The following ITGA4 variants were observed in gnomAD, a reference collection of about 807,000 sequenced individuals.
ITGA4 encodes the protein integrin alpha-4.
A neutral mutation model predicts 133.6 loss-of-function variants in ITGA4; 63 were observed. That is an observed-to-expected ratio of 0.47 (90% CI 0.38 to 0.58). ITGA4 has a LOEUF of 0.58. Among genes scored for constraint, ITGA4 ranks in the 20% least tolerant of loss-of-function variants. ITGA4 has a pLI of 0.00. For missense variants in ITGA4, 1,076 were observed against 1,252.7 expected (o/e 0.86, Z 2.13); for synonymous variants, 483 against 438.0 (o/e 1.10, Z -1.28).
chr2:181,458,349 C>T lies in ITGA4; in HGVS notation c.319+32C>T, dbSNP rs768689239. 5.2e-5 allele frequency: 83 copies of T among 1,600,010 alleles called. No homozygotes were observed. The Middle Eastern group carries it at 6.6e-4, about 13-fold the overall frequency. ...TGGGTATGGGACCAGGAGTTAGTGACCTCCCGACCCCCCATGTGGACCCCA... is the reference window on the plus strand; with the variant it reads ...TGGGTATGGGACCAGGAGTTAGTGATCTCCCGACCCCCCATGTGGACCCCA... On this transcript the variant is annotated intron_variant, in intron 2 of 27. Transcript: ENST00000397033.
In ITGA4 at chr2:181,471,357, A is replaced by G. The variant is rs56403772; in HGVS notation, c.320-3603A>G. On this transcript the variant is annotated intron_variant, in intron 2 of 27. Transcript: ENST00000397033. ...AGTCCTGGGCAAGATGAATGAGGTC[A>G]CTATTTACTAAGCCTTGGAAATAGG... is the stretch of plus-strand genomic sequence containing the variant. Among the ~76,000 whole-genome samples the G allele has an allele frequency of 3.6e-3, 551 of 152,354 alleles. 5 individuals are homozygous for G. The highest frequency in any genetic ancestry group is 0.019 in the South Asian group (94 of 4,830).
Position 181,537,827 on chromosome 2 carries a change from GT to G in ITGA4, c.*2301del. On this transcript the variant is annotated 3_prime_UTR_variant, in exon 28 of 28. Coordinates refer to ENST00000397033, the MANE Select transcript of ITGA4 (RefSeq NM_000885.6). ...TTAAAGCCCTAGAGGCTAATTGTTAGTAACATCAATTTCTATTAGGATATCC... is the reference window on the plus strand; with the variant it reads ...TTAAAGCCCTAGAGGCTAATTGTTAGAACATCAATTTCTATTAGGATATCC... 1 of 481,360 alleles carries G rather than the reference GT, an allele frequency of 2.1e-6. No individual in the cohort carries two copies. The highest frequency in any genetic ancestry group is 4.1e-6 in the Non-Finnish European group (1 of 245,142). The allele number at this position is 481,360 out of a possible 1,614,324, so 29.8% of individuals were successfully genotyped here.
intron 24 of ITGA4, 53 bp downstream of exon 24, chr2:181,530,702 A>C (rs1314758378): frequency 1.3e-6 from 2 of 1,553,100 alleles, no homozygotes; most frequent in African/African-American, 1.4e-5. Flanking sequence ...GAGAAGTGAG[A>C]CACTTAAAAT....
chr2:181,508,208 GA>G (rs1686432851), intron 15 of ITGA4, among the ~76,000 whole-genome samples: 1 of 151,540 alleles, frequency 6.6e-6, no homozygotes, highest in Non-Finnish European at 1.5e-5. Flanking sequence ...TTAAAAATCT[GA>G]TTATTGAAAA....
At chr2:181,529,208 G>A (rs1686891055) in intron 22 of ITGA4, among the ~76,000 whole-genome samples, 1 of 151,694 alleles carries the variant, frequency 6.6e-6, no homozygotes, top group Non-Finnish European at 1.5e-5. Flanking sequence ...AGAACCAAAT[G>A]ATATTTTTAA....
At chr2:181,512,664 A>G (rs1686529148) in intron 17 of ITGA4, among the ~76,000 whole-genome samples, 1 of 152,062 alleles carries the variant, frequency 6.6e-6, no homozygotes, top group South Asian at 2.1e-4. Flanking sequence ...ATATTGTAAA[A>G]TTTATAAAAA....
chr2:181,463,357 T>G (rs1346920159), intron 2 of ITGA4, among the ~76,000 whole-genome samples: 1 of 152,158 alleles, frequency 6.6e-6, no homozygotes, highest in Admixed American at 6.5e-5. Context: ...GATTCTCTGG[T>G]TGCAGGTTAG....
At chr2:181,483,298 T>G (rs1685845538) in intron 9 of ITGA4, among the ~76,000 whole-genome samples, 1 of 152,238 alleles carries the variant, frequency 6.6e-6, no homozygotes, top group Non-Finnish European at 1.5e-5. Flanking sequence ...CAAAGACTTC[T>G]GGCCTTATCT....
chr2:181,480,184 T>A lies in ITGA4; in HGVS notation c.672T>A (p.Ser224=). Residue 224 remains serine, a synonymous_variant, in exon 6 of 28, where the codon TCT becomes TCA. Transcript: ENST00000397033. ...GAPGSSYWTG[S]LFVYNITTNK... Reference sequence around the variant, plus strand: ...CAGGATCATCTTACTGGACTGGCTCTCTTTTTGTCTACAATATAACTACAA... The same window carrying A: ...CAGGATCATCTTACTGGACTGGCTCACTTTTTGTCTACAATATAACTACAA... The A allele has an allele frequency of 1.9e-6, 3 of 1,563,218 alleles. No individual in the cohort carries two copies. Among genetic ancestry groups the A allele is most frequent in the Non-Finnish European group, 2.6e-6 (3 of 1,155,518 alleles).
chr2:181,499,840 A>G (rs1187484450), intron 15 of ITGA4, among the ~76,000 whole-genome samples: 1 of 152,160 alleles, frequency 6.6e-6, no homozygotes, highest in African/African-American at 2.4e-5. Flanking sequence ...TATTGAAATC[A>G]TTTTAAAGGC....
In ITGA4 at chr2:181,535,971, T is replaced by G. The variant is rs1483377457; in HGVS notation, c.*444T>G. The G allele has an allele frequency of 6.6e-6, 1 of 152,280 alleles. No homozygotes were observed. The highest frequency in any genetic ancestry group is 1.5e-5 in the Non-Finnish European group (1 of 68,106). The allele number at this position is 152,280 out of a possible 1,614,324, so 9.4% of individuals were successfully genotyped here. ...TTGATACTTGTTCAAAATATGTTCT[T>G]TAAAAATATAATTTTTTAGAGAGCT... On this transcript the variant is annotated 3_prime_UTR_variant, in exon 28 of 28. Transcript: ENST00000397033.
At chr2:181,511,817 G>A in intron 17 of ITGA4, 42 bp downstream of exon 17, 1 of 932,510 alleles carries the variant, frequency 1.1e-6, no homozygotes, top group Non-Finnish European at 1.7e-6. Context: ...TCATCGAGAG[G>A]GTGTAATGAG....
intron 2 of ITGA4, among the ~76,000 whole-genome samples, chr2:181,473,598 AAAC>A (rs1316115645): frequency 6.6e-6 from 1 of 152,232 alleles, no homozygotes; most frequent in Non-Finnish European, 1.5e-5. Context: ...ACGAAAGTAT[AAAC>A]AAACATCTTC....
At chr2:181,515,847 T>C (rs1336283012) in intron 17 of ITGA4, among the ~76,000 whole-genome samples, 1 of 152,106 alleles carries the variant, frequency 6.6e-6, no homozygotes, top group African/African-American at 2.4e-5. Context: ...CCATACATTC[T>C]CCCAGCTATA....
At chr2:181,500,313 C>A (rs964471723) in intron 15 of ITGA4, among the ~76,000 whole-genome samples, 1 of 152,136 alleles carries the variant, frequency 6.6e-6, no homozygotes, top group African/African-American at 2.4e-5. Context: ...ACCACAGTTG[C>A]AGCTACCCTG....
chr2:181,466,308 G>T (rs901407352), intron 2 of ITGA4, among the ~76,000 whole-genome samples: 1 of 151,930 alleles, frequency 6.6e-6, no homozygotes, highest in African/African-American at 2.4e-5. Flanking sequence ...AAAAAAAATA[G>T]CTGAAATAAC....
chr2:181,538,063 G>A lies in ITGA4; in HGVS notation c.*2536G>A, dbSNP rs6747500. The A allele has an allele frequency of 0.71, 510,886 of 716,582 alleles. 184,189 individuals are homozygous for A. The highest frequency in any genetic ancestry group is 0.88 in the South Asian group (59,648 of 67,402). The allele number at this position is 716,582 out of a possible 1,614,324, so 44.4% of individuals were successfully genotyped here. A position where few individuals can be genotyped will look rare whatever the true frequency, so the allele number is the denominator to read the frequency against. The stretch of plus-strand genomic sequence containing the variant: ...ATCCTGAAACCATTCCCCCATCCAC[G>A]GAAAAATTGTCTTCCATGAAACTGG... On this transcript the variant is annotated 3_prime_UTR_variant, in exon 28 of 28. Transcript: ENST00000397033.
Position 181,536,786 on chromosome 2 carries a change from T to C in ITGA4, c.*1259T>C. The C allele has an allele frequency of 8.1e-6, 2 of 247,642 alleles. No homozygotes were observed. The highest frequency in any genetic ancestry group is 9.2e-5 in the South Asian group (2 of 21,740). The allele number at this position is 247,642 out of a possible 1,614,324, so 15.3% of individuals were successfully genotyped here. A position where few individuals can be genotyped will look rare whatever the true frequency, so the allele number is the denominator to read the frequency against. ...TAAATACAATCATTTTTGTAATATTTATTTTATGCTTATGATCTAGATAAT... is the reference window on the plus strand; with the variant it reads ...TAAATACAATCATTTTTGTAATATTCATTTTATGCTTATGATCTAGATAAT... On this transcript the variant is annotated 3_prime_UTR_variant, in exon 28 of 28. Coordinates refer to ENST00000397033, the MANE Select transcript of ITGA4 (RefSeq NM_000885.6).
rs776065058 is a variant in ITGA4 at position 181,537,831 on chromosome 2, C to CATCAATTTCT, written c.*2307_*2316dup. ...AGCCCTAGAGGCTAATTGTTAGTAA[C>CATCAATTTCT]ATCAATTTCTATTAGGATATCCGTT... On this transcript the variant is annotated 3_prime_UTR_variant, in exon 28 of 28. Coordinates refer to ENST00000397033, the MANE Select transcript of ITGA4 (RefSeq NM_000885.6). 25 of 483,930 alleles carry CATCAATTTCT rather than the reference C, an allele frequency of 5.2e-5. 1 individual carries two copies. The highest frequency in any genetic ancestry group is 3.7e-4 in the South Asian group (24 of 64,678). The allele number at this position is 483,930 out of a possible 1,614,324, so 30.0% of individuals were successfully genotyped here.
Sources: gnomAD v4.1 joint callset for allele counts (sites outside exome capture counted in the v4.1 genomes callset) on GRCh38, gnomAD v4.1.1 for gene constraint, MANE v1.5 for transcripts, NCBI Gene and HGNC (gene_info 2026-07-23, HGNC 2026-07-21) for gene names.